The following FGF12 variants were observed in gnomAD, a reference collection of about 807,000 sequenced individuals.
FGF12 encodes fibroblast growth factor 12.
In FGF12, 14 loss-of-function variants were observed where a neutral mutation model predicts 23.6. That is an observed-to-expected ratio of 0.59 (90% CI 0.39 to 0.93). FGF12 has a LOEUF of 0.93. Ranked by LOEUF, FGF12 falls within the 40% of genes least tolerant of loss-of-function variation. FGF12 has a pLI of 0.00. For synonymous variants in FGF12, 62 were observed against 77.3 expected (o/e 0.80, Z 1.04); for missense variants, 175 against 217.8 (o/e 0.80, Z 1.24).
At chr3:192,601,002 G>A (rs889353181) in intron 2 of FGF12, among the ~76,000 whole-genome samples, 7 of 152,104 alleles carry the variant, frequency 4.6e-5, no homozygotes, top group African/African-American at 1.7e-4. Context: ...TGCACCCCAT[G>A]TTTATGGCAG....
chr3:192,298,627 G>A (rs994977979), intron 4 of FGF12, among the ~76,000 whole-genome samples: 1 of 152,156 alleles, frequency 6.6e-6, no homozygotes, highest in Non-Finnish European at 1.5e-5. Flanking sequence ...GTGCATGTCT[G>A]TAATCCCAGT....
intron 3 of FGF12, among the ~76,000 whole-genome samples, chr3:192,342,728 G>A (rs1038983875): frequency 1.8e-4 from 27 of 152,220 alleles, no homozygotes; most frequent in African/African-American, 5.5e-4. Flanking sequence ...GTTAAGCCAT[G>A]ATTGCACCAC....
chr3:192,719,786 CAAA>C (rs553013127), intron 2 of FGF12, among the ~76,000 whole-genome samples: 7 of 102,360 alleles, frequency 6.8e-5, no homozygotes, highest in East Asian at 6.5e-4. Context: ...AGACTAAGGG[CAAA>C]AAAAAAAAAA....
chr3:192,661,589 T>A (rs1271323840), intron 2 of FGF12, among the ~76,000 whole-genome samples: 1 of 152,026 alleles, frequency 6.6e-6, no homozygotes, highest in Non-Finnish European at 1.5e-5. Flanking sequence ...GTGAAAGATA[T>A]GAAAGGGAAG....
intron 4 of FGF12, among the ~76,000 whole-genome samples, chr3:192,230,636 T>C (rs892668298): frequency 6.6e-5 from 10 of 152,202 alleles, no homozygotes; most frequent in African/African-American, 2.4e-4. Context: ...AAAAGGTTGC[T>C]AATATTCTTG....
intron 4 of FGF12, among the ~76,000 whole-genome samples, chr3:192,273,523 T>C (rs186118555): frequency 6.6e-6 from 1 of 152,284 alleles, no homozygotes; most frequent in East Asian, 1.9e-4. Context: ...TGCATTCAGA[T>C]GTAAGCTCGA....
chr3:192,532,833 C>T (rs1351002582), intron 2 of FGF12, among the ~76,000 whole-genome samples: 4 of 151,880 alleles, frequency 2.6e-5, no homozygotes, highest in African/African-American at 9.7e-5. Flanking sequence ...TTTTTTTCTT[C>T]TATGAGACAA....
chr3:192,291,913 T>G (rs995133719), intron 4 of FGF12, among the ~76,000 whole-genome samples: 1 of 152,180 alleles, frequency 6.6e-6, no homozygotes, highest in East Asian at 1.9e-4. Context: ...AAAAGCAAAG[T>G]GTGCTATATT....
At chr3:192,282,324 G>T (rs1056020923) in intron 4 of FGF12, among the ~76,000 whole-genome samples, 1 of 152,034 alleles carries the variant, frequency 6.6e-6, no homozygotes, top group Non-Finnish European at 1.5e-5. Context: ...GAATGAAACT[G>T]GATGACAAAG....
In FGF12 at chr3:192,386,173, G is replaced by A. The variant is rs948819400; in HGVS notation, c.14-25635C>T. On this transcript the variant is annotated intron_variant, in intron 2 of 5. Transcript: ENST00000445105. The stretch of plus-strand genomic sequence containing the variant: ...ACACAGTCTTCTCTTTCTCTCTCCA[G>A]AGCTAATTCCACAGTTCCACGCTGA... Among the ~76,000 whole-genome samples the A allele has an allele frequency of 5.3e-5, 8 of 152,276 alleles. No homozygotes were observed. The East Asian group carries it at 1.4e-3, about 26-fold the overall frequency.
chr3:192,520,340 C>T (rs1310739320), intron 2 of FGF12, among the ~76,000 whole-genome samples: 1 of 152,084 alleles, frequency 6.6e-6, no homozygotes, highest in Non-Finnish European at 1.5e-5. Context: ...CAGTGAAAGG[C>T]CTGACTTCCG....
chr3:192,568,251 A>G (rs980481770), intron 2 of FGF12, among the ~76,000 whole-genome samples: 1 of 152,184 alleles, frequency 6.6e-6, no homozygotes, highest in Non-Finnish European at 1.5e-5. Flanking sequence ...ATAAGATCAC[A>G]TATACAGTTA....
At chr3:192,312,421 T>TC (rs1174246445) in intron 4 of FGF12, among the ~76,000 whole-genome samples, 1 of 150,532 alleles carries the variant, frequency 6.6e-6, no homozygotes, top group African/African-American at 2.4e-5. Context: ...TTTTTTTTTT[T>TC]CTGCTACCAT....
intron 4 of FGF12, among the ~76,000 whole-genome samples, chr3:192,252,751 G>A (rs1191314241): frequency 6.6e-6 from 1 of 151,486 alleles, no homozygotes; most frequent in African/African-American, 2.4e-5. Flanking sequence ...TGGATAGTCA[G>A]GAAAAATACT....
At chr3:192,624,940 A>T (rs546156292) in intron 2 of FGF12, among the ~76,000 whole-genome samples, 14 of 152,268 alleles carry the variant, frequency 9.2e-5, no homozygotes, top group Admixed American at 2.6e-4. Flanking sequence ...ATAAGAAGCA[A>T]ATAGGGTACA....
intron 2 of FGF12, among the ~76,000 whole-genome samples, chr3:192,695,249 G>A (rs939632803): frequency 9.9e-5 from 15 of 152,040 alleles, no homozygotes; most frequent in African/African-American, 3.4e-4. Flanking sequence ...TTTTCGTTGT[G>A]TCTTATTCAC....
At chr3:192,264,306 T>A (rs1465018162) in intron 4 of FGF12, among the ~76,000 whole-genome samples, 1 of 152,120 alleles carries the variant, frequency 6.6e-6, no homozygotes, top group Non-Finnish European at 1.5e-5. Context: ...AAAGGAAGAC[T>A]TTTCCTAAAA....
intron 2 of FGF12, among the ~76,000 whole-genome samples, chr3:192,363,723 C>G (rs528035376): frequency 6.6e-6 from 1 of 152,186 alleles, no homozygotes; most frequent in Admixed American, 6.5e-5. Flanking sequence ...ACTCAGCTAT[C>G]GTAAGTGAGA....
chr3:192,658,010 G>A (rs894535831), intron 2 of FGF12, among the ~76,000 whole-genome samples: 3 of 150,986 alleles, frequency 2.0e-5, no homozygotes, highest in African/African-American at 7.3e-5. Flanking sequence ...TTGCTCTTTT[G>A]GAAAACAGAA....
Sources: allele counts gnomAD v4.1 joint callset (sites outside exome capture counted in the v4.1 genomes callset), GRCh38; gene constraint gnomAD v4.1.1; transcripts MANE v1.5; gene names NCBI Gene and HGNC (gene_info 2026-07-23, HGNC 2026-07-21).